Variants in SUGCT observed in about 807,000 individuals in gnomAD.
SUGCT encodes the protein succinyl-CoA:glutarate CoA-transferase.
A neutral mutation model predicts 55.0 loss-of-function variants in SUGCT; 41 were observed. The ratio of observed to expected loss-of-function variants is 0.74; its 90% confidence interval spans 0.58 to 0.97. SUGCT has a LOEUF of 0.97. SUGCT is among the 50% of genes least tolerant of loss of function. The pLI is 0.00. For synonymous variants in SUGCT, 187 were observed against 200.4 expected (o/e 0.93, Z 0.56); for missense variants, 568 against 547.8 (o/e 1.04, Z -0.37).
chr7:40,229,812 C>CAAAAAAA, intron 6 of SUGCT, among the ~76,000 whole-genome samples: 1 of 60,776 alleles, frequency 1.6e-5, no homozygotes, highest in Non-Finnish European at 3.5e-5. Context: ...GACTCTGTCT[C>CAAAAAAA]AAAAAAAAAA....
the SUGCT span, among the ~76,000 whole-genome samples, chr7:40,927,104 A>G: frequency 6.6e-6 from 1 of 152,222 alleles, no homozygotes; most frequent in African/African-American, 2.4e-5. Context: ...AGTATTATTT[A>G]AAAACTTGTA....
At chr7:41,012,951 A>G in the SUGCT span, among the ~76,000 whole-genome samples, 5 of 151,788 alleles carry the variant, frequency 3.3e-5, no homozygotes, top group Non-Finnish European at 2.9e-5. Context: ...AGTGAATTAC[A>G]TGGTTGCCAG....
At chr7:40,208,934 T>C (rs569870170) in intron 6 of SUGCT, among the ~76,000 whole-genome samples, 1 of 152,340 alleles carries the variant, frequency 6.6e-6, no homozygotes, top group Admixed American at 6.5e-5. Flanking sequence ...ATAGGATACA[T>C]ACTTGTTATT....
intron 12 of SUGCT, among the ~76,000 whole-genome samples, chr7:40,629,386 A>G (rs1799680796): frequency 6.6e-6 from 1 of 152,200 alleles, no homozygotes; most frequent in Admixed American, 6.5e-5. Context: ...GGGTCAGGGG[A>G]GACTCTCAGA....
At chr7:41,003,327 AAAG>A in the SUGCT span, among the ~76,000 whole-genome samples, 1 of 152,188 alleles carries the variant, frequency 6.6e-6, no homozygotes, top group South Asian at 2.1e-4. Context: ...TTGACAACCA[AAAG>A]AAGAATTGTC....
At chr7:40,796,932 G>A (rs1426148273) in intron 13 of SUGCT, among the ~76,000 whole-genome samples, 1 of 152,200 alleles carries the variant, frequency 6.6e-6, no homozygotes, top group Admixed American at 6.5e-5. Flanking sequence ...GGTCCCTGAG[G>A]AGAAGCCAGG....
At chr7:40,476,223 A>C (rs1245079836) in intron 11 of SUGCT, among the ~76,000 whole-genome samples, 1 of 152,222 alleles carries the variant, frequency 6.6e-6, no homozygotes, top group Admixed American at 6.5e-5. Flanking sequence ...AGTGCCTTAC[A>C]CATAGTATAT....
At chr7:40,781,368 G>A (rs924496422) in intron 13 of SUGCT, among the ~76,000 whole-genome samples, 1 of 152,016 alleles carries the variant, frequency 6.6e-6, no homozygotes, top group African/African-American at 2.4e-5. Flanking sequence ...AGTAACAATC[G>A]AATCTGCAGT....
rs536498968 is a variant in SUGCT at position 40,470,989 on chromosome 7, A to G, written c.986+11791A>G. On this transcript the variant is annotated intron_variant, in intron 11 of 13. Coordinates refer to ENST00000335693, the MANE Select transcript of SUGCT (RefSeq NM_001193313.2). ...TAAGTCTCAGTACTCTGTTCAATTT[A>G]ATGAACGGAAACAAAAAAGGAACAT... Among the ~76,000 whole-genome samples, 5 of 152,302 alleles carry G rather than the reference A, an allele frequency of 3.3e-5. No homozygotes were observed. The South Asian group carries it at 1.0e-3, about 32-fold the overall frequency.
At chr7:40,158,575 A>AC in intron 1 of SUGCT, among the ~76,000 whole-genome samples, 4 of 152,142 alleles carry the variant, frequency 2.6e-5, no homozygotes, top group Non-Finnish European at 4.4e-5. Context: ...ATGTAGTGAA[A>AC]CCCATCTCTA....
intron 12 of SUGCT, among the ~76,000 whole-genome samples, chr7:40,624,776 C>G (rs1484956651): frequency 4.9e-5 from 2 of 41,186 alleles, no homozygotes. Context: ...TGTGCAAACA[C>G]ACACACACAC....
chr7:40,680,776 G>T (rs372991855), intron 12 of SUGCT, among the ~76,000 whole-genome samples: 1 of 152,142 alleles, frequency 6.6e-6, no homozygotes, highest in South Asian at 2.1e-4. Flanking sequence ...TGCAAATCAG[G>T]CATGTGTGGC....
intron 1 of SUGCT, among the ~76,000 whole-genome samples, chr7:40,148,463 G>A (rs1382428392): frequency 1.3e-5 from 2 of 152,058 alleles, no homozygotes; most frequent in East Asian, 3.9e-4. Flanking sequence ...TGACCAACAT[G>A]GAGAAACCTC....
chr7:40,870,809 A>T, the SUGCT span, among the ~76,000 whole-genome samples: 194 of 152,200 alleles, frequency 1.3e-3, no homozygotes, highest in African/African-American at 4.5e-3. Flanking sequence ...ATTTATATCA[A>T]TATGGACTAG....
intron 13 of SUGCT, among the ~76,000 whole-genome samples, chr7:40,758,687 C>G (rs761522512): frequency 6.6e-6 from 1 of 152,052 alleles, no homozygotes; most frequent in Non-Finnish European, 1.5e-5. Flanking sequence ...GTTGTCATAT[C>G]TTTATCTGGG....
intron 12 of SUGCT, among the ~76,000 whole-genome samples, chr7:40,545,801 T>C (rs552269866): frequency 6.6e-6 from 1 of 152,334 alleles, no homozygotes; most frequent in East Asian, 1.9e-4. Context: ...ATGGGTGTGT[T>C]CTTTTAAACA....
At chr7:40,207,677 C>T (rs1268573870) in intron 6 of SUGCT, among the ~76,000 whole-genome samples, 6 of 151,890 alleles carry the variant, frequency 4.0e-5, no homozygotes, top group South Asian at 4.2e-4. Context: ...ATTAGCCAGG[C>T]GTGGTGGCGG....
At chr7:40,645,307 A>G (rs78429092) in intron 12 of SUGCT, among the ~76,000 whole-genome samples, 6,270 of 152,216 alleles carry the variant, frequency 0.041, 161 homozygotes, top group Non-Finnish European at 0.064. Flanking sequence ...GTCCTAGAAG[A>G]ACACCAGAGC....
intron 12 of SUGCT, among the ~76,000 whole-genome samples, chr7:40,725,020 A>G (rs1786540494): frequency 6.6e-6 from 1 of 152,198 alleles, no homozygotes; most frequent in Non-Finnish European, 1.5e-5. Context: ...GAAATGCTGG[A>G]CAGGAGGAGT....
Sources: gnomAD v4.1 joint callset for allele counts (sites outside exome capture counted in the v4.1 genomes callset) on GRCh38, gnomAD v4.1.1 for gene constraint, MANE v1.5 for transcripts, NCBI Gene and HGNC (gene_info 2026-07-23, HGNC 2026-07-21) for gene names.